Variants in BABAM2 observed in about 807,000 individuals in gnomAD.
BABAM2 encodes BRISC and BRCA1-A complex member 2.
Under a neutral mutation model 54.7 loss-of-function variants are expected in BABAM2, and 31 were observed. The observed-to-expected ratio is 0.57, with a 90% CI of 0.43 to 0.77. The LOEUF is 0.77. Ranked by LOEUF, BABAM2 falls within the 30% of genes least tolerant of loss-of-function variation. The pLI, the probability that BABAM2 is intolerant of heterozygous loss-of-function variation, is 0.00. For synonymous variants in BABAM2, 167 were observed against 162.9 expected, an observed-to-expected ratio of 1.03 and a Z score of -0.19; for missense variants, 364 against 455.8, an observed-to-expected ratio of 0.80 and a Z score of 1.83.
intron 6 of BABAM2, among the ~76,000 whole-genome samples, chr2:28,078,032 T>G (rs1423800632): frequency 6.6e-6 from 1 of 152,052 alleles, no homozygotes; most frequent in African/African-American, 2.4e-5. Flanking sequence ...AAATGGAAAA[T>G]TCCAGAAATT....
intron 4 of BABAM2, among the ~76,000 whole-genome samples, chr2:28,014,573 G>A (rs1056070799): frequency 6.6e-6 from 1 of 151,376 alleles, no homozygotes; most frequent in East Asian, 1.9e-4. Flanking sequence ...TATTCATTTG[G>A]ATGGCAGATA....
chr2:28,327,949 A>G (rs1278059134), intron 11 of BABAM2, among the ~76,000 whole-genome samples: 1 of 152,174 alleles, frequency 6.6e-6, no homozygotes, highest in Non-Finnish European at 1.5e-5. Flanking sequence ...TTGTTCCTAA[A>G]GCCCACACCC....
rs1691662711 is a variant in BABAM2, at chr2:28,338,455, A to T, written c.1094A>T (p.Tyr365Phe). 6.2e-7 allele frequency: 1 copy of T among 1,614,100 alleles called. No homozygotes were observed. The highest frequency in any genetic ancestry group is 8.5e-7 in the Non-Finnish European group (1 of 1,179,962). ...GNEMAKRAKA[Y>F]FKTFVPQFQE... ...CTCCCCTTCTTTCCCACCAGGGCTT[A>T]TTTCAAAACCTTTGTCCCTCAGTTC... The change falls in exon 12 of 12, where the codon TAT becomes TTT. Residue 365 changes from tyrosine to phenylalanine, a missense_variant. Transcript: ENST00000379624.
chr2:27,972,904 C>G (rs920727727), intron 3 of BABAM2, among the ~76,000 whole-genome samples: 1 of 151,194 alleles, frequency 6.6e-6, no homozygotes, highest in African/African-American at 2.4e-5. Context: ...GTAGCTGGGA[C>G]TACAGGCGCG....
chr2:28,257,963 G>A (rs376650020), intron 10 of BABAM2, among the ~76,000 whole-genome samples: 1 of 152,164 alleles, frequency 6.6e-6, no homozygotes, highest in East Asian at 1.9e-4. Flanking sequence ...GATCACTTGA[G>A]GTCAGGAATT....
chr2:28,121,724 TTTTA>T (rs1669084275), intron 6 of BABAM2, among the ~76,000 whole-genome samples: 1 of 148,328 alleles, frequency 6.7e-6, no homozygotes, highest in Non-Finnish European at 1.5e-5. Context: ...ATACTATATA[TTTTA>T]TTTATTTTGT....
intron 9 of BABAM2, among the ~76,000 whole-genome samples, chr2:28,243,137 T>A (rs910999459): frequency 1.3e-5 from 2 of 152,176 alleles, no homozygotes; most frequent in Admixed American, 6.5e-5. Flanking sequence ...ATGCATGTAG[T>A]ACAGTAGTAT....
chr2:28,274,281 A>C (rs1685686054), intron 10 of BABAM2, among the ~76,000 whole-genome samples: 1 of 152,286 alleles, frequency 6.6e-6, no homozygotes, highest in South Asian at 2.1e-4. Flanking sequence ...TTCACTGTCT[A>C]ACCGAGCACT....
chr2:28,300,693 CT>C (rs1389921217), intron 11 of BABAM2, among the ~76,000 whole-genome samples: 1 of 152,070 alleles, frequency 6.6e-6, no homozygotes, highest in Non-Finnish European at 1.5e-5. Context: ...TGAATTGAGT[CT>C]TTAAGAAGTT....
intron 7 of BABAM2, among the ~76,000 whole-genome samples, chr2:28,236,882 C>T (rs1388738587): frequency 1.3e-5 from 2 of 152,084 alleles, no homozygotes; most frequent in Admixed American, 1.3e-4. Flanking sequence ...AAGAATTGGG[C>T]ATAATGAAGA....
At chr2:28,079,365 C>G (rs1325940099) in intron 6 of BABAM2, among the ~76,000 whole-genome samples, 1 of 152,134 alleles carries the variant, frequency 6.6e-6, no homozygotes, top group Admixed American at 6.5e-5. Flanking sequence ...AAACCAAACT[C>G]TTGCACATAT....
chr2:27,994,304 A>G (rs567123423), intron 4 of BABAM2, among the ~76,000 whole-genome samples: 7 of 152,364 alleles, frequency 4.6e-5, no homozygotes, highest in African/African-American at 7.2e-5. Context: ...TGAATAATGT[A>G]TCTCTCTTAG....
chr2:28,300,759 A>AC (rs1251697153), intron 11 of BABAM2, among the ~76,000 whole-genome samples: 1 of 152,222 alleles, frequency 6.6e-6, no homozygotes, highest in East Asian at 1.9e-4. Flanking sequence ...AAGCCTGTTT[A>AC]TCTTAACAGA....
At chr2:28,292,016 C>T (rs74632029) in intron 10 of BABAM2, among the ~76,000 whole-genome samples, 3,871 of 152,282 alleles carry the variant, frequency 0.025, 79 homozygotes, top group Non-Finnish European at 0.037. Context: ...TACAGCAATT[C>T]AACAAGGGGT....
chr2:27,968,221 C>T (rs895411393), intron 3 of BABAM2, among the ~76,000 whole-genome samples: 2 of 152,218 alleles, frequency 1.3e-5, no homozygotes, highest in Non-Finnish European at 2.9e-5. Context: ...GTGCTGTGTG[C>T]AGCCTAGGGA....
At chr2:28,225,963 C>A (rs1680844814) in intron 7 of BABAM2, among the ~76,000 whole-genome samples, 1 of 152,038 alleles carries the variant, frequency 6.6e-6, no homozygotes, top group Non-Finnish European at 1.5e-5. Flanking sequence ...TTTCTATAAT[C>A]CTAGATCAAG....
chr2:27,913,426 T>C (rs1277917036), intron 2 of BABAM2, among the ~76,000 whole-genome samples: 3 of 152,172 alleles, frequency 2.0e-5, no homozygotes, highest in African/African-American at 4.8e-5. Flanking sequence ...TAGTATGTTA[T>C]TGATAAGTAA....
At chr2:28,013,530 C>CAT (rs890447938) in intron 4 of BABAM2, among the ~76,000 whole-genome samples, 4 of 151,998 alleles carry the variant, frequency 2.6e-5, no homozygotes, top group African/African-American at 9.7e-5. Flanking sequence ...TTGCCCAAGA[C>CAT]ATATGTCCTC....
At chr2:27,988,935 ATGAC>A (rs895048430) in intron 4 of BABAM2, among the ~76,000 whole-genome samples, 3 of 152,128 alleles carry the variant, frequency 2.0e-5, no homozygotes, top group African/African-American at 7.2e-5. Context: ...AAAAGTTTTG[ATGAC>A]TTACTTTGAA....
Sources: gnomAD v4.1 joint callset for allele counts (sites outside exome capture counted in the v4.1 genomes callset) on GRCh38, gnomAD v4.1.1 for gene constraint, MANE v1.5 for transcripts, NCBI Gene and HGNC (gene_info 2026-07-23, HGNC 2026-07-21) for gene names.